Variants in EFCAB5 observed in about 807,000 individuals in gnomAD.
EFCAB5 encodes the protein EF-hand calcium-binding domain-containing protein 5.
EFCAB5 carries 131 observed loss-of-function variants against 167.9 expected under a neutral mutation model. The observed-to-expected ratio is 0.78, with a 90% CI of 0.68 to 0.90. The LOEUF (loss-of-function observed/expected upper bound fraction) is 0.90, where lower values mean the gene tolerates loss of function less well. Among genes scored for constraint, EFCAB5 ranks in the 40% least tolerant of loss-of-function variants. The pLI is 0.00. For synonymous variants in EFCAB5, 574 were observed against 602.8 expected (o/e 0.95, Z 0.70); for missense variants, 1,663 against 1,745.2 (o/e 0.95, Z 0.84).
intron 7 of EFCAB5, among the ~76,000 whole-genome samples, chr17:30,017,070 A>G (rs2069060778): frequency 6.6e-6 from 1 of 151,896 alleles, no homozygotes; most frequent in Non-Finnish European, 1.5e-5. Flanking sequence ...CCAGCTACTC[A>G]AGAGGTTGAG....
chr17:29,945,677 G>A (rs1294930188), intron 3 of EFCAB5, among the ~76,000 whole-genome samples: 1 of 152,022 alleles, frequency 6.6e-6, no homozygotes, highest in Non-Finnish European at 1.5e-5. Context: ...AGAGAACCCA[G>A]AAATAAAACC....
chr17:30,092,648 C>G (rs538381420), intron 21 of EFCAB5, among the ~76,000 whole-genome samples, 192 bp from the exon 22 acceptor site: 7 of 152,308 alleles, frequency 4.6e-5, no homozygotes, highest in Admixed American at 2.0e-4. Flanking sequence ...CTGGGCTTCT[C>G]AAAGTGCTGG....
intron 7 of EFCAB5, among the ~76,000 whole-genome samples, chr17:30,020,353 ATTCTTTTTTTTTTT>A (rs1159872111): frequency 7.2e-5 from 10 of 139,696 alleles, no homozygotes; most frequent in South Asian, 2.3e-4. Context: ...CCTATGCACT[ATTCTTTTTTTTTTT>A]TTCTTTTTTT....
intron 7 of EFCAB5, among the ~76,000 whole-genome samples, chr17:30,016,772 T>C (rs1177082110): frequency 6.6e-6 from 1 of 152,234 alleles, no homozygotes; most frequent in Non-Finnish European, 1.5e-5. Flanking sequence ...CAAAATCTTA[T>C]ATCTAATTTT....
At chr17:29,991,744 G>A (rs982149953) in intron 4 of EFCAB5, among the ~76,000 whole-genome samples, 1 of 152,144 alleles carries the variant, frequency 6.6e-6, no homozygotes, top group Non-Finnish European at 1.5e-5. Flanking sequence ...GATTTGGGGG[G>A]CCTGTTCCCA....
chr17:30,082,912 A>G lies in EFCAB5; in HGVS notation c.3448A>G (p.Thr1150Ala). 6.2e-7 allele frequency: 1 copy of G among 1,613,820 alleles called. No individual in the cohort carries two copies. Among genetic ancestry groups the G allele is most frequent in the Non-Finnish European group, 8.5e-7 (1 of 1,179,806 alleles). ...ACAGGGTGTTGCTAATGTCTTTAGC[A>G]CTGCCTATCACTACGTCCACAGCCG... ...FYQGVANVFSTAYHYVHSREH... is the reference protein window; with the variant it reads ...FYQGVANVFSAAYHYVHSREH... Residue 1150 changes from threonine (T) to alanine (A), a missense_variant, in exon 18 of 23, where the codon ACT becomes GCT. Physicochemically the swap from Thr to Ala is moderately conservative, Grantham distance 58 (BLOSUM62 0). Transcript: ENST00000394835.
intron 5 of EFCAB5, among the ~76,000 whole-genome samples, chr17:29,994,034 G>A (rs1180368549): frequency 6.7e-6 from 1 of 149,916 alleles, no homozygotes; most frequent in Non-Finnish European, 1.5e-5. Context: ...AGTCCAGGAG[G>A]TCGAAGCTGC....
In EFCAB5 at chr17:30,034,308, G is replaced by T; in HGVS notation, c.1123G>T (p.Glu375Ter). The change falls in exon 8 of 23, where the codon GAA becomes TAA. Residue 375 changes from glutamate to a stop codon, truncating the protein, a stop_gained. Transcript: ENST00000394835. LOFTEE classifies it high-confidence loss of function. ...TAAGCACCTTTGCCACTCTGCAGAT[G>T]AATTTCGGGAGGTCATAAAAGCTGA... ...LLKHLCHSAD[E>*]FREVIKADMR... 2 of 1,613,914 alleles carry T rather than the reference G, an allele frequency of 1.2e-6. No homozygotes were observed. Among genetic ancestry groups the T allele is most frequent in the Non-Finnish European group, 1.7e-6 (2 of 1,179,842 alleles).
rs201514253 is a variant in EFCAB5, at chr17:30,087,081, C to T, written c.3598C>T (p.Arg1200Cys). Residue 1200 changes from arginine (R) to cysteine (C), a missense_variant, in exon 19 of 23, where the codon CGC (arginine) becomes TGC (cysteine). Physicochemically the swap from Arg to Cys is radical, Grantham distance 180. Transcript: ENST00000394835. Reference sequence around the variant, plus strand: ...TTTCAAGGATTCAGACTATGTTTTACGCAACATGATGGTTACAGGGCAGCT... The same window carrying T: ...TTTCAAGGATTCAGACTATGTTTTATGCAACATGATGGTTACAGGGCAGCT... ...SPAQDSDYVL[R>C]NMMVTGQLGL... The T allele has an allele frequency of 4.9e-5, 79 of 1,613,052 alleles. No individual in the cohort carries two copies. The highest frequency in any genetic ancestry group is 2.5e-4 in the East Asian group (11 of 44,844).
At chr17:30,083,800 G>T (rs2071035897) in intron 18 of EFCAB5, among the ~76,000 whole-genome samples, 1 of 152,194 alleles carries the variant, frequency 6.6e-6, no homozygotes, top group African/African-American at 2.4e-5. Context: ...CCTGGCCAGA[G>T]TGTGGAGTTC....
intron 18 of EFCAB5, among the ~76,000 whole-genome samples, chr17:30,085,303 G>T (rs2071065024): frequency 6.6e-6 from 1 of 152,132 alleles, no homozygotes; most frequent in Non-Finnish European, 1.5e-5. Flanking sequence ...GAAATTCAGG[G>T]TATTTTAGCT....
At chr17:30,065,970 A>G (rs1231938357) in intron 14 of EFCAB5, among the ~76,000 whole-genome samples, 2 of 152,230 alleles carry the variant, frequency 1.3e-5, no homozygotes, top group African/African-American at 4.8e-5. Context: ...TGTTAGATCT[A>G]AAGGGAGAGA....
At chr17:29,976,461 A>G (rs775341069) in intron 4 of EFCAB5, among the ~76,000 whole-genome samples, 6 of 152,214 alleles carry the variant, frequency 3.9e-5, no homozygotes, top group Non-Finnish European at 7.4e-5. Flanking sequence ...CTGTATGTCA[A>G]CAGATGACAG....
chr17:29,952,524 A>G (rs1361322740), intron 3 of EFCAB5, among the ~76,000 whole-genome samples: 1 of 152,240 alleles, frequency 6.6e-6, no homozygotes, highest in Non-Finnish European at 1.5e-5. Flanking sequence ...AAAGAGAATG[A>G]ATAAGCACAT....
chr17:30,057,589 G>A, intron 12 of EFCAB5, 87 bp from the exon 13 acceptor site: 2 of 1,114,462 alleles, frequency 1.8e-6, no homozygotes, highest in Non-Finnish European at 2.6e-6. Flanking sequence ...AAAAATGGCA[G>A]ATATTCATTA....
intron 4 of EFCAB5, among the ~76,000 whole-genome samples, chr17:29,981,852 T>A (rs2068182313): frequency 1.3e-5 from 2 of 152,336 alleles, no homozygotes; most frequent in South Asian, 4.1e-4. Flanking sequence ...CTGGAATTAA[T>A]CATCACTATT....
upstream of EFCAB5, among the ~76,000 whole-genome samples, chr17:29,938,805 A>C (rs368706666): frequency 2.0e-5 from 3 of 152,170 alleles, no homozygotes; most frequent in South Asian, 6.2e-4. Context: ...TTCTTTTGCT[A>C]TTTCCATTAC....
At chr17:29,958,903 T>A (rs2067667909) in intron 3 of EFCAB5, among the ~76,000 whole-genome samples, 1 of 152,162 alleles carries the variant, frequency 6.6e-6, no homozygotes, top group African/African-American at 2.4e-5. Context: ...GGTACTGCCT[T>A]GGTTGTCTTG....
intron 8 of EFCAB5, among the ~76,000 whole-genome samples, chr17:30,044,823 A>G (rs2069874501): frequency 6.6e-6 from 1 of 152,220 alleles, no homozygotes; most frequent in Admixed American, 6.5e-5. Flanking sequence ...AAATTACAAC[A>G]TATAATTAAA....
Sources: gnomAD v4.1 joint callset for allele counts (sites outside exome capture counted in the v4.1 genomes callset) on GRCh38, gnomAD v4.1.1 for gene constraint, MANE v1.5 for transcripts, NCBI Gene and HGNC (gene_info 2026-07-23, HGNC 2026-07-21) for gene names.